Variants in JMY observed in about 807,000 individuals in gnomAD.
JMY encodes junction-mediating and -regulatory protein.
Under a neutral mutation model 103.3 loss-of-function variants are expected in JMY, and 46 were observed. The ratio of observed to expected loss-of-function variants is 0.45; its 90% confidence interval spans 0.35 to 0.57. The LOEUF (loss-of-function observed/expected upper bound fraction) is 0.57. Ranked by LOEUF, JMY falls within the 20% of genes least tolerant of loss-of-function variation. The pLI is 0.00. For missense variants in JMY, 1,238 were observed against 1,255.2 expected (o/e 0.99, Z 0.21); for synonymous variants, 526 against 489.3 (o/e 1.07, Z -0.99).
chr5:79,240,224 C>G lies in JMY; in HGVS notation c.1032+2542C>G, dbSNP rs529947361. On this transcript the variant is annotated intron_variant, in intron 1 of 10. Coordinates refer to ENST00000396137, the MANE Select transcript of JMY (RefSeq NM_152405.5). ...AGAGATGGGGTTTTACCATGTTGGC[C>G]AAGCTGGTCTCGAACTCCTGACCTG... Among the ~76,000 whole-genome samples the G allele has an allele frequency of 1.8e-4, 28 of 152,064 alleles. 1 individual carries two copies. In the South Asian group the frequency reaches 5.8e-3, roughly 32 times the overall value.
At chr5:79,242,789 T>C (rs148862917) in intron 1 of JMY, among the ~76,000 whole-genome samples, 28 of 152,048 alleles carry the variant, frequency 1.8e-4, no homozygotes, top group African/African-American at 5.1e-4. Context: ...ATGACTTTTT[T>C]TTTTTTTTTT....
intron 4 of JMY, among the ~76,000 whole-genome samples, chr5:79,299,604 G>A (rs1487541488): frequency 6.6e-6 from 1 of 152,014 alleles, no homozygotes; most frequent in Non-Finnish European, 1.5e-5. Context: ...GACACCTTAC[G>A]GATTGCAAGG....
At chr5:79,318,759 TATAGAG>T (rs1332579319) in intron 10 of JMY, among the ~76,000 whole-genome samples, 50 of 20,568 alleles carry the variant, frequency 2.4e-3, no homozygotes, top group East Asian at 0.015. Flanking sequence ...TATATATATA[TATAGAG>T]AGAGAGAGAG....
Position 79,236,620 on chromosome 5 carries a change from C to T in JMY, c.-31C>T, listed in dbSNP as rs773331520. 10 of 1,357,284 alleles carry T rather than the reference C, an allele frequency of 7.4e-6. No homozygotes were observed. The highest frequency in any genetic ancestry group is 8.6e-6 in the Non-Finnish European group (9 of 1,040,856). 84.1% of individuals were successfully genotyped at this position (1,357,284 alleles called of 1,614,324 possible). ...GTCCTCGGGCGGGCCGGGCCGGCGG[C>T]CCTTCCCCGCGGCGAGAAGCCGGAG... On this transcript the variant is annotated 5_prime_UTR_variant, in exon 1 of 11. Coordinates refer to ENST00000396137, the MANE Select transcript of JMY (RefSeq NM_152405.5).
At position 79,321,720 on chromosome 5, in the gene JMY, C is replaced by T. The variant is rs1222340426; in HGVS notation, c.*118C>T. 6.6e-6 allele frequency: 1 copy of T among 152,094 alleles called. No individual in the cohort carries two copies. The highest frequency in any genetic ancestry group is 1.5e-5 in the Non-Finnish European group (1 of 68,002). The allele number at this position is 152,094 out of a possible 1,614,324, so 9.4% of individuals were successfully genotyped here. On this transcript the variant is annotated 3_prime_UTR_variant, in exon 11 of 11. Transcript: ENST00000396137. ...ACATTAGATCCAAAGTTCATTGGTT[C>T]AGTGGTGTGAAGAAAGGAAGCACAA...
intron 1 of JMY, among the ~76,000 whole-genome samples, chr5:79,241,502 TTAAAACA>T (rs1243693726): frequency 6.6e-6 from 1 of 152,230 alleles, no homozygotes; most frequent in East Asian, 1.9e-4. Flanking sequence ...GGAAAATTTC[TTAAAACA>T]TAAATAAATT....
intron 8 of JMY, 33 bp downstream of exon 8, chr5:79,312,531 C>A: frequency 3.6e-5 from 31 of 857,130 alleles, no homozygotes; most frequent in Middle Eastern, 3.3e-4. Context: ...TATTGTTTTT[C>A]TTTTTTTTTT....
At chr5:79,290,910 G>A (rs529933697) in intron 3 of JMY, among the ~76,000 whole-genome samples, 35 of 152,236 alleles carry the variant, frequency 2.3e-4, no homozygotes, top group South Asian at 1.9e-3. Context: ...GCTTGAACCC[G>A]GGAGGCGGAG....
In JMY at chr5:79,325,952, A is replaced by G. The variant is rs1354111684; in HGVS notation, c.*4350A>G. 6.6e-6 allele frequency: 1 copy of G among 152,064 alleles called. No individual in the cohort carries two copies. The highest frequency in any genetic ancestry group is 2.4e-5 in the African/African-American group (1 of 41,414). The allele number at this position is 152,064 out of a possible 1,614,324, so 9.4% of individuals were successfully genotyped here. A position where few individuals can be genotyped will look rare whatever the true frequency, so the allele number is the denominator to read the frequency against. ...TTATTCTTAAGATGTGTTTATTGTA[A>G]AGTTTTCTACGTTTTGCCCACAGTA... On this transcript the variant is annotated 3_prime_UTR_variant, in exon 11 of 11. Coordinates refer to ENST00000396137, the MANE Select transcript of JMY (RefSeq NM_152405.5).
intron 1 of JMY, among the ~76,000 whole-genome samples, chr5:79,268,479 T>G (rs59521774): frequency 6.7e-6 from 1 of 149,748 alleles, no homozygotes; most frequent in Non-Finnish European, 1.5e-5. Flanking sequence ...TTTATTTATT[T>G]TTTATTTATT....
chr5:79,273,587 A>C (rs749737233), intron 1 of JMY, among the ~76,000 whole-genome samples: 1 of 152,086 alleles, frequency 6.6e-6, no homozygotes, highest in African/African-American at 2.4e-5. Flanking sequence ...TTCTTGTAAT[A>C]TTTTGTTCTG....
intron 1 of JMY, among the ~76,000 whole-genome samples, chr5:79,275,383 G>A (rs1485200984): frequency 6.6e-6 from 1 of 151,918 alleles, no homozygotes; most frequent in Non-Finnish European, 1.5e-5. Context: ...GGATGTTGTC[G>A]ATCTCCTGAC....
intron 10 of JMY, among the ~76,000 whole-genome samples, chr5:79,317,618 T>A (rs1747279548): frequency 6.6e-6 from 1 of 152,140 alleles, no homozygotes; most frequent in African/African-American, 2.4e-5. Flanking sequence ...TTCACCAAAG[T>A]AGGGAAGACT....
rs746001570 is a variant in JMY at position 79,237,277 on chromosome 5, G to T, written c.627G>T (p.Ser209=). The T allele has an allele frequency of 6.4e-7, 1 of 1,553,170 alleles. No homozygotes were observed. Among genetic ancestry groups the T allele is most frequent in the Non-Finnish European group, 8.7e-7 (1 of 1,148,358 alleles). The change falls in exon 1 of 11, where the codon TCG becomes TCT. Residue 209 remains serine, a synonymous_variant. Coordinates refer to ENST00000396137, the MANE Select transcript of JMY (RefSeq NM_152405.5). Reference sequence around the variant, plus strand: ...AGGACGAGGCACCTCTGGCGCTCTCGGACGCGGAGCAGCCGCCGCCCGCCA... The same window carrying T: ...AGGACGAGGCACCTCTGGCGCTCTCTGACGCGGAGCAGCCGCCGCCCGCCA... ...VKEDEAPLAL[S]DAEQPPPATE...
Position 79,323,103 on chromosome 5 carries a change from ACCATGCCC to A in JMY, c.*1503_*1510del, listed in dbSNP as rs1351869833. The A allele has an allele frequency of 6.6e-6, 1 of 152,222 alleles. No individual in the cohort carries two copies. The highest frequency in any genetic ancestry group is 1.5e-5 in the Non-Finnish European group (1 of 68,044). 9.4% of individuals were successfully genotyped at this position (152,222 alleles called of 1,614,324 possible). A position where few individuals can be genotyped will look rare whatever the true frequency, so the allele number is the denominator to read the frequency against. On this transcript the variant is annotated 3_prime_UTR_variant, in exon 11 of 11. Transcript: ENST00000396137. ...TTTCAAAACAAAACAGGCACATGCCACCATGCCCCAGCTAATTTTTATATTTTTTATAG... is the reference window on the plus strand; with the variant it reads ...TTTCAAAACAAAACAGGCACATGCCACAGCTAATTTTTATATTTTTTATAG...
In JMY at chr5:79,263,933, G is replaced by A. The variant is rs183479531; in HGVS notation, c.1033-13977G>A. Among the ~76,000 whole-genome samples the A allele has an allele frequency of 1.7e-4, 26 of 152,052 alleles. No homozygotes were observed. In the East Asian group the frequency reaches 4.5e-3, roughly 26 times the overall value. Reference sequence around the variant, plus strand: ...CTGCCTCAGCCTCCAGAGTAGCTGGGATTACAGGCGCCTGCCACCACACCC... The same window carrying A: ...CTGCCTCAGCCTCCAGAGTAGCTGGAATTACAGGCGCCTGCCACCACACCC... On this transcript the variant is annotated intron_variant, in intron 1 of 10. Coordinates refer to ENST00000396137, the MANE Select transcript of JMY (RefSeq NM_152405.5).
intron 1 of JMY, among the ~76,000 whole-genome samples, chr5:79,257,142 G>A (rs1345588317): frequency 6.6e-6 from 1 of 150,464 alleles, no homozygotes; most frequent in Non-Finnish European, 1.5e-5. Flanking sequence ...GTGCGATCTC[G>A]GCTCACTGCA....
chr5:79,315,170 C>A (rs1156711270), intron 9 of JMY, among the ~76,000 whole-genome samples: 1 of 152,020 alleles, frequency 6.6e-6, no homozygotes, highest in Non-Finnish European at 1.5e-5. Flanking sequence ...AAAAAATACT[C>A]ATATCAGAAA....
At chr5:79,302,757 A>T (rs1746775992) in intron 6 of JMY, among the ~76,000 whole-genome samples, 1 of 152,230 alleles carries the variant, frequency 6.6e-6, no homozygotes, top group Non-Finnish European at 1.5e-5. Context: ...TTTTAGCAAG[A>T]TAAGGCAGCA....
Sources: gnomAD v4.1 joint callset for allele counts (sites outside exome capture counted in the v4.1 genomes callset) on GRCh38, gnomAD v4.1.1 for gene constraint, MANE v1.5 for transcripts, NCBI Gene and HGNC (gene_info 2026-07-23, HGNC 2026-07-21) for gene names.